PCDHGA3: variants seen among roughly 807,000 people sequenced by gnomAD.
PCDHGA3 encodes protocadherin gamma subfamily A, 3, also known as protocadherin gamma-A3.
PCDHGA3 carries 40 observed loss-of-function variants against 58.5 expected under a neutral mutation model. The observed-to-expected ratio is 0.68, with a 90% CI of 0.53 to 0.89. The LOEUF is 0.89. Among genes scored for constraint, PCDHGA3 ranks in the 40% least tolerant of loss-of-function variants. The probability of loss-of-function intolerance (pLI) is 0.00; values close to 1 mark genes in which losing one functional copy is unlikely to be tolerated. For missense variants in PCDHGA3, 1,223 were observed against 1,195.9 expected, an observed-to-expected ratio of 1.02 and a Z score of -0.33; for synonymous variants, 530 against 525.7, an observed-to-expected ratio of 1.01 and a Z score of -0.11.
intron 1 of PCDHGA3, chr5:141,372,062 C>T: frequency 1.2e-6 from 2 of 1,613,470 alleles, no homozygotes; most frequent in Non-Finnish European, 1.7e-6. Context: ...ACGACCGCAA[C>T]GACAATGCAC....
At position 141,485,320 on chromosome 5, in the gene PCDHGA3, T is replaced by G; in HGVS notation, c.2425-9487T>G. The G allele has an allele frequency of 6.2e-7, 1 of 1,614,114 alleles. No individual in the cohort carries two copies. The highest frequency in any genetic ancestry group is 8.5e-7 in the Non-Finnish European group (1 of 1,180,018). ...AAGGGACTTTTGTAGGGAATGTCGC[T>G]CAAGATTTCCTGCTGGATACGGACA... is the stretch of plus-strand genomic sequence containing the variant. On this transcript the variant is annotated intron_variant, in intron 1 of 3. Transcript: ENST00000253812. The surrounding 1 kb of genome is among the most constrained non-coding windows in gnomAD (Gnocchi z 5.7).
In PCDHGA3 at chr5:141,409,272, T is replaced by G. The variant is rs2095250021; in HGVS notation, c.2424+62815T>G. ...ATCACTTCTCTCTCTGATCAGATTT[T>G]GGAGAATTCACCTCCAGGAATGGTT... On this transcript the variant is annotated intron_variant, in intron 1 of 3. Coordinates refer to ENST00000253812, the MANE Select transcript of PCDHGA3 (RefSeq NM_018916.4). 5 of 1,614,042 alleles carry G rather than the reference T, an allele frequency of 3.1e-6. No individual in the cohort carries two copies. In the South Asian group the frequency reaches 4.4e-5, roughly 14 times the overall value.
rs1350756695 is a variant in PCDHGA3, at chr5:141,344,231, C to T, written c.198C>T (p.Ile66=). ...AGCTGGCGGAGCGCGGAGTCCGCATCGTCTCCAGAGGTAGGACGCAGCTTT... is the reference window on the plus strand; with the variant it reads ...AGCTGGCGGAGCGCGGAGTCCGCATTGTCTCCAGAGGTAGGACGCAGCTTT... ...PRELAERGVR[I]VSRGRTQLFS... The change falls in exon 1 of 4, where the codon ATC becomes ATT. Residue 66 remains isoleucine, a synonymous_variant. Coordinates refer to ENST00000253812, the MANE Select transcript of PCDHGA3 (RefSeq NM_018916.4). 1.2e-6 allele frequency: 2 copies of T among 1,613,918 alleles called. No individual in the cohort carries two copies. The highest frequency in any genetic ancestry group is 1.7e-6 in the Non-Finnish European group (2 of 1,179,916).
chr5:141,492,320 G>T (rs1001784912), intron 1 of PCDHGA3, among the ~76,000 whole-genome samples: 1 of 152,206 alleles, frequency 6.6e-6, no homozygotes, highest in Non-Finnish European at 1.5e-5. Context: ...CTCCTCGCAC[G>T]TGGGCTTACG....
Position 141,487,171 on chromosome 5 carries a change from G to C in PCDHGA3, c.2425-7636G>C. ...CTGTTACTCTCTTAGTGTCCTTAGA[G>C]GAAGACACTCATCCAGTTGTCCCAG... On this transcript the variant is annotated intron_variant, in intron 1 of 3. Transcript: ENST00000253812. The surrounding 1 kb of genome is among the most constrained non-coding windows in gnomAD (Gnocchi z 5.0). 1 of 1,612,938 alleles carries C rather than the reference G, an allele frequency of 6.2e-7. No individual in the cohort carries two copies. Among genetic ancestry groups the C allele is most frequent in the Non-Finnish European group, 8.5e-7 (1 of 1,178,910 alleles).
In PCDHGA3 at chr5:141,441,656, CT is replaced by C. The variant is rs200391207; in HGVS notation, c.2425-53149del. 8.0e-3 allele frequency: 1,976 copies of C among 247,682 alleles called. 54 individuals carry two copies. The highest frequency in any genetic ancestry group is 0.043 in the African/African-American group (1,846 of 42,486). The allele number at this position is 247,682 out of a possible 1,614,324, so 15.3% of individuals were successfully genotyped here. A position where few individuals can be genotyped will look rare whatever the true frequency, so the allele number is the denominator to read the frequency against. On this transcript the variant is annotated intron_variant, in intron 1 of 3. Coordinates refer to ENST00000253812, the MANE Select transcript of PCDHGA3 (RefSeq NM_018916.4). ...CACAGGCGCTGTGATTCTAGGTGTC[CT>C]TGAGCGCACAGTGCGCCTTCGACCA...
chr5:141,404,828 G>T, intron 1 of PCDHGA3: 1 of 1,609,938 alleles, frequency 6.2e-7, no homozygotes, highest in Non-Finnish European at 8.5e-7. Flanking sequence ...CACAGGTGAA[G>T]TGCGCACAGC....
At chr5:141,467,748 G>A (rs186276272) in intron 1 of PCDHGA3, among the ~76,000 whole-genome samples, 22 of 151,912 alleles carry the variant, frequency 1.4e-4, no homozygotes, top group South Asian at 2.1e-4. Context: ...TGCAACCTCC[G>A]CCTCACATGC....
intron 1 of PCDHGA3, chr5:141,371,015 TCAC>T: frequency 1.9e-6 from 3 of 1,613,966 alleles, no homozygotes; most frequent in Non-Finnish European, 2.5e-6. Flanking sequence ...AGCAGCCACA[TCAC>T]CACCTGGTCC....
At chr5:141,357,618 T>A in intron 1 of PCDHGA3, 1 of 1,613,734 alleles carries the variant, frequency 6.2e-7, no homozygotes, top group Non-Finnish European at 8.5e-7. Context: ...ACCCTAATCT[T>A]CAGGTGAGTC....
Position 141,432,039 on chromosome 5 carries a change from G to C in PCDHGA3, c.2425-62768G>C. ...AACATCACAGTGACCGCCACTGACC[G>C]GGGAACCCCGCCCCTATCCACGGAA... On this transcript the variant is annotated intron_variant, in intron 1 of 3. Transcript: ENST00000253812. This position sits in a 1 kb window ranked among gnomAD's most constrained non-coding sequence, Gnocchi z 6.0. 6.2e-7 allele frequency: 1 copy of C among 1,614,176 alleles called. No homozygotes were observed. Among genetic ancestry groups the C allele is most frequent in the Non-Finnish European group, 8.5e-7 (1 of 1,180,028 alleles).
intron 1 of PCDHGA3, chr5:141,414,109 G>A: frequency 6.3e-7 from 1 of 1,592,288 alleles, no homozygotes; most frequent in Non-Finnish European, 8.6e-7. Context: ...AGAAAATCTA[G>A]ATTATGAAGA....
intron 1 of PCDHGA3, chr5:141,394,258 A>T: frequency 6.2e-7 from 1 of 1,613,912 alleles, no homozygotes; most frequent in Non-Finnish European, 8.5e-7. Context: ...CCCGACAGCC[A>T]GGAGAATGCC....
intron 1 of PCDHGA3, chr5:141,419,337 C>A (rs1283848400): frequency 6.2e-7 from 1 of 1,613,906 alleles, no homozygotes; most frequent in South Asian, 1.1e-5. Flanking sequence ...TCTCTCATTG[C>A]CAGCGACCTG....
chr5:141,363,266 T>C (rs1308915609), intron 1 of PCDHGA3, among the ~76,000 whole-genome samples: 5 of 152,268 alleles, frequency 3.3e-5, no homozygotes, highest in African/African-American at 1.2e-4. Context: ...CTTAAAACTT[T>C]GCTTTTGAAT....
chr5:141,403,415 C>A, intron 1 of PCDHGA3: 1 of 1,614,046 alleles, frequency 6.2e-7, no homozygotes, highest in East Asian at 2.2e-5. Context: ...TTATCCACTT[C>A]CAGAAGCTAT....
chr5:141,478,399 T>C, intron 1 of PCDHGA3: 1 of 1,613,514 alleles, frequency 6.2e-7, no homozygotes, highest in South Asian at 1.1e-5. Flanking sequence ...ATCAGGTGTA[T>C]CTCACCACGG....
intron 1 of PCDHGA3, chr5:141,427,617 G>C (rs1295636754): frequency 1.4e-6 from 1 of 694,694 alleles, no homozygotes. Context: ...TGAAGTCAAC[G>C]ACAATGCTCC....
At chr5:141,374,601 G>A (rs772584663) in intron 1 of PCDHGA3, 1 of 1,613,676 alleles carries the variant, frequency 6.2e-7, no homozygotes, top group Middle Eastern at 1.6e-4. Flanking sequence ...TTTAAGCTCA[G>A]TGGTAATAGT....
Sources: gnomAD v4.1 joint callset for allele counts (sites outside exome capture counted in the v4.1 genomes callset) on GRCh38, gnomAD v4.1.1 for gene constraint, Gnocchi (gnomAD v3.1) non-coding constraint, MANE v1.5 for transcripts, NCBI Gene and HGNC (gene_info 2026-07-23, HGNC 2026-07-21) for gene names.